The following RAD21L1 variants were observed in gnomAD, a reference collection of about 807,000 sequenced individuals.
RAD21L1 encodes the protein RAD21 cohesin complex component like 1.
In RAD21L1, 47 loss-of-function variants were observed where a neutral mutation model predicts 69.0. The observed-to-expected ratio is 0.68, with a 90% confidence interval of 0.54 to 0.87. The LOEUF (loss-of-function observed/expected upper bound fraction) is 0.87. Ranked by LOEUF, RAD21L1 falls within the 40% of genes least tolerant of loss-of-function variation. The pLI is 0.00. For missense variants in RAD21L1, 583 were observed against 647.6 expected (o/e 0.90, Z 1.08); for synonymous variants, 177 against 205.8 (o/e 0.86, Z 1.20).
Position 1,254,298 on chromosome 20 carries a change from TA to T in RAD21L1, c.1510del (p.Ser504ValfsTer2). Reference protein sequence around the residue: ...ESNKMGMQSFSLMKLCRNSDR... With the variant: ...ESNKMGMQSFXLMKLCRNSDR... The stretch of plus-strand genomic sequence containing the variant: ...CTAACAAGATGGGAATGCAGTCCTT[TA>T]GTCTGATGAAGCTCTGTAGAAATAG... On this transcript the variant is annotated frameshift_variant, in exon 14 of 14. Transcript: ENST00000683101. LOFTEE classifies it high-confidence loss of function. 2 of 1,548,838 alleles carry T rather than the reference TA, an allele frequency of 1.3e-6. No homozygotes were observed. Among genetic ancestry groups the T allele is most frequent in the Non-Finnish European group, 1.7e-6 (2 of 1,145,466 alleles).
chr20:1,253,845 C>T (rs1170236499), intron 13 of RAD21L1, among the ~76,000 whole-genome samples: 1 of 152,140 alleles, frequency 6.6e-6, no homozygotes, highest in Non-Finnish European at 1.5e-5. Flanking sequence ...ATAGTCAACA[C>T]CAACACTATA....
At chr20:1,228,312 G>T in intron 1 of RAD21L1, 110 bp from the exon 2 acceptor site, 1 of 525,356 alleles carries the variant, frequency 1.9e-6, no homozygotes, top group Non-Finnish European at 3.3e-6. Context: ...TTGAATAATT[G>T]AATTAGAACA....
At position 1,254,483 on chromosome 20, in the gene RAD21L1, G is replaced by T; in HGVS notation, c.*26G>T. On this transcript the variant is annotated 3_prime_UTR_variant, in exon 14 of 14. Transcript: ENST00000683101. ...AGGAAACCCAGACATACAGATTTAT[G>T]GCATCACTGGAATTTCTGTGTAGAT... 7.0e-7 allele frequency: 1 copy of T among 1,426,806 alleles called. No homozygotes were observed. The highest frequency in any genetic ancestry group is 9.4e-7 in the Non-Finnish European group (1 of 1,067,740). 88.4% of individuals were successfully genotyped at this position (1,426,806 alleles called of 1,614,324 possible).
At chr20:1,230,490 CT>C in intron 3 of RAD21L1, 2 of 739,970 alleles carry the variant, frequency 2.7e-6, no homozygotes, top group Non-Finnish European at 3.3e-6. Flanking sequence ...AATATAATAC[CT>C]TCAAAATTTA....
intron 8 of RAD21L1, among the ~76,000 whole-genome samples, chr20:1,242,251 G>A (rs576771269): frequency 4.8e-4 from 73 of 152,248 alleles, no homozygotes; most frequent in African/African-American, 1.7e-3. Context: ...TTCTCTTTTG[G>A]AGATAGGGTC....
At chr20:1,253,415 G>C (rs1017855265) in intron 13 of RAD21L1, among the ~76,000 whole-genome samples, 5 of 152,120 alleles carry the variant, frequency 3.3e-5, no homozygotes, top group East Asian at 1.9e-4. Context: ...TTCTGCCTCA[G>C]CCTCCCGAAT....
rs2087727207 is a variant in RAD21L1, at chr20:1,246,840, CTGCTTATTAACTGTCTTATTTCTCTGGT to C, written c.1401+536_1401+563del. 6.6e-6 allele frequency among the ~76,000 whole-genome samples: 1 copy of C among 152,116 alleles called. No individual in the cohort carries two copies. Among genetic ancestry groups the C allele is most frequent in the African/African-American group, 2.4e-5 (1 of 41,438 alleles). On this transcript the variant is annotated intron_variant, in intron 12 of 13. Transcript: ENST00000683101. The surrounding 1 kb of genome is among the most constrained non-coding windows in gnomAD (Gnocchi z 4.6). ...AGTAAAGTCTGATTTCCCTGACTCC[CTGCTTATTAACTGTCTTATTTCTCTGGT>C]ATTATCCCAGCATACTGAAAACATT...
At chr20:1,232,829 GAAC>G (rs376458680) in intron 4 of RAD21L1, among the ~76,000 whole-genome samples, 3 of 152,108 alleles carry the variant, frequency 2.0e-5, no homozygotes, top group Non-Finnish European at 4.4e-5. Context: ...GACCTTTTAG[GAAC>G]AACAACAACA....
chr20:1,245,351 A>T (rs528942343), intron 11 of RAD21L1, among the ~76,000 whole-genome samples: 3 of 152,338 alleles, frequency 2.0e-5, no homozygotes, highest in Non-Finnish European at 4.4e-5. Flanking sequence ...ATTTTTATAT[A>T]CCATACCTGC....
intron 13 of RAD21L1, among the ~76,000 whole-genome samples, chr20:1,250,633 T>C (rs1339521585): frequency 1.3e-5 from 2 of 152,230 alleles, no homozygotes; most frequent in Non-Finnish European, 2.9e-5. Context: ...TGGTTCCAAG[T>C]CTTTGCTATT....
chr20:1,246,193 TC>T lies in RAD21L1; in HGVS notation c.1309-17del. The T allele has an allele frequency of 6.9e-7, 1 of 1,449,804 alleles. No homozygotes were observed. The highest frequency in any genetic ancestry group is 9.3e-7 in the Non-Finnish European group (1 of 1,072,408). The allele number at this position is 1,449,804 out of a possible 1,614,324, so 89.8% of individuals were successfully genotyped here. On this transcript the variant is annotated intron_variant, in intron 11 of 13. Coordinates refer to ENST00000683101, the MANE Select transcript of RAD21L1 (RefSeq NM_001384355.1). The surrounding 1 kb of genome is among the most constrained non-coding windows in gnomAD (Gnocchi z 4.6). ...AACCACTGGCAGATTTACCTAACTT[TC>T]CCTAATTTGCTTCAGCAGGATATTG... is the stretch of plus-strand genomic sequence containing the variant.
At chr20:1,253,691 A>G (rs62187484) in intron 13 of RAD21L1, among the ~76,000 whole-genome samples, 4,270 of 152,296 alleles carry the variant, frequency 0.028, 96 homozygotes, top group South Asian at 0.12. Context: ...TTCATCCATA[A>G]TTAAAATACT....
chr20:1,232,635 A>C (rs910000875), intron 4 of RAD21L1, among the ~76,000 whole-genome samples: 3 of 152,226 alleles, frequency 2.0e-5, no homozygotes, highest in Non-Finnish European at 4.4e-5. Flanking sequence ...ACACTTCATA[A>C]GATTAGTATA....
chr20:1,246,359 T>C lies in RAD21L1; in HGVS notation c.1401+54T>C, dbSNP rs2087718127. On this transcript the variant is annotated intron_variant, in intron 12 of 13. Coordinates refer to ENST00000683101, the MANE Select transcript of RAD21L1 (RefSeq NM_001384355.1). The surrounding 1 kb of genome is among the most constrained non-coding windows in gnomAD (Gnocchi z 4.6). ...TCTTAAAAACTTTATTCCTAAATAT[T>C]TAACACCTTATTTATCTAAAACTTG... The C allele has an allele frequency of 2.5e-6, 2 of 808,380 alleles. No homozygotes were observed. Among genetic ancestry groups the C allele is most frequent in the South Asian group, 4.8e-5 (2 of 41,714 alleles). 50.1% of individuals were successfully genotyped at this position (808,380 alleles called of 1,614,324 possible).
chr20:1,254,021 C>T (rs2087885919), intron 13 of RAD21L1, among the ~76,000 whole-genome samples: 1 of 152,156 alleles, frequency 6.6e-6, no homozygotes, highest in South Asian at 2.1e-4. Flanking sequence ...ATTTGTATAA[C>T]ACATTATAAA....
intron 8 of RAD21L1, 25 bp from the exon 9 acceptor site, chr20:1,242,594 C>T (rs2087630600): frequency 1.3e-6 from 2 of 1,482,784 alleles, no homozygotes; most frequent in South Asian, 2.4e-5. Flanking sequence ...TAACCAATCA[C>T]ATTTGTGCTA....
chr20:1,243,290 C>T (rs1464208798), intron 10 of RAD21L1, 94 bp downstream of exon 10: 15 of 607,274 alleles, frequency 2.5e-5, no homozygotes, highest in East Asian at 2.1e-4. Flanking sequence ...GATCCAATTC[C>T]ATATTCTCAA....
chr20:1,228,411 G>A lies in RAD21L1; in HGVS notation c.-32-11G>A. The A allele has an allele frequency of 5.2e-6, 7 of 1,354,238 alleles. No individual in the cohort carries two copies. Among genetic ancestry groups the A allele is most frequent in the Non-Finnish European group, 6.7e-6 (7 of 1,040,286 alleles). The allele number at this position is 1,354,238 out of a possible 1,614,324, so 83.9% of individuals were successfully genotyped here. The stretch of plus-strand genomic sequence containing the variant: ...AATAAAATTTTAAATTTCTTTTCGT[G>A]TTCTCTCTAGTTTGTTAAATACAAG... On this transcript the variant is annotated splice_polypyrimidine_tract_variant and intron_variant, in intron 1 of 13. Transcript: ENST00000683101.
At chr20:1,240,821 G>T (rs1357936916) in intron 8 of RAD21L1, among the ~76,000 whole-genome samples, 1 of 152,168 alleles carries the variant, frequency 6.6e-6, no homozygotes, top group Non-Finnish European at 1.5e-5. Flanking sequence ...CCCTTAATCT[G>T]CATACAATTA....
Sources: gnomAD v4.1 joint callset for allele counts (sites outside exome capture counted in the v4.1 genomes callset) on GRCh38, gnomAD v4.1.1 for gene constraint, Gnocchi (gnomAD v3.1) non-coding constraint, MANE v1.5 for transcripts, NCBI Gene and HGNC (gene_info 2026-07-23, HGNC 2026-07-21) for gene names.